The following TEK variants were observed in gnomAD, a reference collection of about 807,000 sequenced individuals.
The protein encoded by TEK is angiopoietin-1 receptor.
In TEK, 43 loss-of-function variants were observed where a neutral mutation model predicts 131.8. That is an observed-to-expected ratio of 0.33 (90% CI 0.26 to 0.42). The LOEUF (loss-of-function observed/expected upper bound fraction) is 0.42. Among genes scored for constraint, TEK ranks in the 10% least tolerant of loss-of-function variants. The probability of loss-of-function intolerance (pLI) is 1.00; values close to 1 mark genes in which losing one functional copy is unlikely to be tolerated. For missense variants in TEK, 1,162 were observed against 1,384.4 expected (o/e 0.84, Z 2.55); for synonymous variants, 580 against 491.6 (o/e 1.18, Z -2.38).
chr9:27,176,766 ACTGT>A (rs1409878282), intron 6 of TEK, among the ~76,000 whole-genome samples: 5 of 152,220 alleles, frequency 3.3e-5, no homozygotes, highest in Non-Finnish European at 7.3e-5. Context: ...TAGCTACCAC[ACTGT>A]CTATTAGAAC....
intron 13 of TEK, among the ~76,000 whole-genome samples, chr9:27,204,707 T>TTA (rs752610315): frequency 5.4e-4 from 81 of 151,250 alleles, no homozygotes; most frequent in African/African-American, 1.9e-3. Flanking sequence ...TTTTTTTTTT[T>TTA]AATCTTATTA....
At chr9:27,158,278 C>T (rs1823416821) in intron 2 of TEK, 136 bp downstream of exon 2, 3 of 1,013,400 alleles carry the variant, frequency 3.0e-6, no homozygotes, top group Non-Finnish European at 4.5e-6. Context: ...TGTCTCTTTC[C>T]ATGCATCACC....
intron 1 of TEK, among the ~76,000 whole-genome samples, chr9:27,132,478 A>C (rs1046554836): frequency 2.0e-5 from 3 of 152,206 alleles, no homozygotes; most frequent in Admixed American, 2.0e-4. Flanking sequence ...GAATTAATGC[A>C]GTATTATTAT....
intron 18 of TEK, 96 bp downstream of exon 18, chr9:27,213,693 G>C (rs1040781988): frequency 1.1e-6 from 1 of 906,428 alleles, no homozygotes; most frequent in Non-Finnish European, 1.8e-6. Context: ...TGTGGTGACT[G>C]AAGCATCTGA....
intron 1 of TEK, among the ~76,000 whole-genome samples, chr9:27,154,425 T>C (rs1823249151): frequency 6.6e-6 from 1 of 152,202 alleles, no homozygotes; most frequent in Non-Finnish European, 1.5e-5. Flanking sequence ...CATAACACTT[T>C]TTTTTACGTT....
intron 1 of TEK, among the ~76,000 whole-genome samples, chr9:27,144,300 G>C (rs1822836294): frequency 6.6e-6 from 1 of 152,000 alleles, no homozygotes; most frequent in Admixed American, 6.6e-5. Flanking sequence ...AGGAAAAGGA[G>C]AATATGTAAA....
chr9:27,202,133 G>A (rs1027251138), intron 12 of TEK, among the ~76,000 whole-genome samples: 10 of 152,266 alleles, frequency 6.6e-5, no homozygotes, highest in Admixed American at 5.9e-4. Context: ...CTTCACATGT[G>A]GAAAACCTCA....
At chr9:27,211,454 T>G (rs1825626055) in intron 16 of TEK, among the ~76,000 whole-genome samples, 1 of 18,568 alleles carries the variant, frequency 5.4e-5, no homozygotes, top group African/African-American at 2.9e-4. Flanking sequence ...TTTTTTTTTT[T>G]GAGATAGATA....
At chr9:27,153,641 C>G (rs371747414) in intron 1 of TEK, among the ~76,000 whole-genome samples, 26 of 152,346 alleles carry the variant, frequency 1.7e-4, no homozygotes, top group East Asian at 5.8e-4. Flanking sequence ...AAACAACTCA[C>G]TATCCGTCCC....
chr9:27,173,037 C>G (rs907180377), intron 5 of TEK, among the ~76,000 whole-genome samples, 185 bp from the exon 6 acceptor site: 2 of 152,136 alleles, frequency 1.3e-5, no homozygotes, highest in African/African-American at 4.8e-5. Context: ...TCCCTGATGT[C>G]TGCTCTGTGG....
chr9:27,146,406 C>A (rs377257059), intron 1 of TEK, among the ~76,000 whole-genome samples: 1 of 152,110 alleles, frequency 6.6e-6, no homozygotes. Context: ...CCCCAAAAAT[C>A]TTTTTTGTGC....
At chr9:27,219,973 A>G in intron 20 of TEK, 76 bp from the exon 21 acceptor site, 2 of 1,483,828 alleles carry the variant, frequency 1.3e-6, no homozygotes, top group African/African-American at 1.4e-5. Context: ...CTGGCCCCTT[A>G]TATTTAGAAA....
At chr9:27,188,693 T>C (rs1824690905) in intron 9 of TEK, among the ~76,000 whole-genome samples, 1 of 152,178 alleles carries the variant, frequency 6.6e-6, no homozygotes, top group Non-Finnish European at 1.5e-5. Flanking sequence ...ACTTCCTAAG[T>C]CGTCACTTAG....
intron 11 of TEK, among the ~76,000 whole-genome samples, chr9:27,193,766 A>C (rs142371384): frequency 6.6e-6 from 1 of 152,188 alleles, no homozygotes; most frequent in Non-Finnish European, 1.5e-5. Context: ...AGAGTACTTA[A>C]TAACAGTAAG....
Position 27,226,733 on chromosome 9 carries a change from A to G in TEK, c.3201-1473A>G, listed in dbSNP as rs73429123. On this transcript the variant is annotated intron_variant, in intron 21 of 22. Coordinates refer to ENST00000380036, the MANE Select transcript of TEK (RefSeq NM_000459.5). ...GAACTGAAAGTATAATAATAAAAAA[A>G]TAAAGATACATTTTCTTGCCTAGAA... is the stretch of plus-strand genomic sequence containing the variant. 8.3e-3 allele frequency among the ~76,000 whole-genome samples: 1,263 copies of G among 152,304 alleles called. 15 individuals carry two copies. The highest frequency in any genetic ancestry group is 0.029 in the African/African-American group (1,210 of 41,566).
intron 1 of TEK, among the ~76,000 whole-genome samples, chr9:27,156,959 T>C (rs965065417): frequency 9.9e-5 from 15 of 150,856 alleles, no homozygotes; most frequent in African/African-American, 3.7e-4. Context: ...CTGCTCATGT[T>C]AGAACCTTTA....
chr9:27,198,554 T>C (rs978028973), intron 12 of TEK, among the ~76,000 whole-genome samples: 1 of 152,238 alleles, frequency 6.6e-6, no homozygotes, highest in Non-Finnish European at 1.5e-5. Flanking sequence ...TTTAATTCTG[T>C]GAAATTTCCA....
intron 21 of TEK, among the ~76,000 whole-genome samples, chr9:27,224,019 G>C (rs891132189): frequency 6.6e-6 from 1 of 152,182 alleles, no homozygotes; most frequent in South Asian, 2.1e-4. Flanking sequence ...AGAAGAAATG[G>C]ATAAATTCAT....
rs146426948 is a variant in TEK, at chr9:27,154,483, C to T, written c.53-3348C>T. Among the ~76,000 whole-genome samples, 501 of 152,304 alleles carry T rather than the reference C, an allele frequency of 3.3e-3. 4 individuals carry two copies. Among genetic ancestry groups the T allele is most frequent in the African/African-American group, 0.012 (480 of 41,554 alleles). On this transcript the variant is annotated intron_variant, in intron 1 of 22. Coordinates refer to ENST00000380036, the MANE Select transcript of TEK (RefSeq NM_000459.5). ...GTCAAATTGTTCAAAAGCCAGTACA[C>T]ACAAGCATATAGGGAAAAGTCTTCC...
Sources: gnomAD v4.1 joint callset for allele counts (sites outside exome capture counted in the v4.1 genomes callset) on GRCh38, gnomAD v4.1.1 for gene constraint, MANE v1.5 for transcripts, NCBI Gene and HGNC (gene_info 2026-07-23, HGNC 2026-07-21) for gene names.